PCDHGB5: variants seen among roughly 807,000 people sequenced by gnomAD.
The protein encoded by PCDHGB5 is protocadherin gamma-B5.
Under a neutral mutation model 62.9 loss-of-function variants are expected in PCDHGB5, and 48 were observed. The observed-to-expected ratio is 0.76, with a 90% CI of 0.61 to 0.97. PCDHGB5 has a LOEUF of 0.97. Among genes scored for constraint, PCDHGB5 ranks in the 50% least tolerant of loss-of-function variants. PCDHGB5 has a pLI of 0.00. For missense variants in PCDHGB5, 1,118 were observed against 1,198.6 expected (o/e 0.93, Z 0.99); for synonymous variants, 474 against 511.2 (o/e 0.93, Z 0.98).
intron 1 of PCDHGB5, chr5:141,416,320 A>G (rs1482631457): frequency 1.3e-5 from 2 of 152,208 alleles, no homozygotes; most frequent in East Asian, 1.9e-4. Flanking sequence ...TAGCATTTTA[A>G]TTTAACTTTC....
At chr5:141,400,860 A>G (rs77207205) in intron 1 of PCDHGB5, among the ~76,000 whole-genome samples, 6,447 of 152,342 alleles carry the variant, frequency 0.042, 220 homozygotes, top group African/African-American at 0.092. Flanking sequence ...TATTGTATGT[A>G]GATAAACCAT....
chr5:141,410,230 C>A (rs759582867), intron 1 of PCDHGB5: 2 of 1,614,006 alleles, frequency 1.2e-6, no homozygotes, highest in South Asian at 2.2e-5. Flanking sequence ...CAGACCTCAG[C>A]GACCGCCCTG....
chr5:141,403,006 G>T, intron 1 of PCDHGB5: 3 of 1,614,006 alleles, frequency 1.9e-6, no homozygotes, highest in African/African-American at 1.3e-5. Context: ...TGCTATGCTC[G>T]CTCCTGGGGA....
intron 2 of PCDHGB5, among the ~76,000 whole-genome samples, chr5:141,496,582 G>A (rs991035985): frequency 1.9e-4 from 29 of 152,100 alleles, no homozygotes; most frequent in Non-Finnish European, 3.5e-4. Flanking sequence ...TTTTAGGAAC[G>A]CAAAGCGCTT....
At position 141,400,199 on chromosome 5, in the gene PCDHGB5, C is replaced by G. The variant is rs1561675523; in HGVS notation, c.2072C>G (p.Ala691Gly). Reference sequence around the variant, plus strand: ...GAGCTGCAGTTTTACCTAGTGGTGGCCTTGGCCTTGATCTCAGTGCTCTTC... The same window carrying G: ...GAGCTGCAGTTTTACCTAGTGGTGGGCTTGGCCTTGATCTCAGTGCTCTTC... ...QAELQFYLVV[A>G]LALISVLFLL... Residue 691 changes from alanine to glycine, a missense_variant, in exon 1 of 4, where the codon GCC becomes GGC. By Grantham distance (60) the Ala-to-Gly change is moderately conservative. Around this residue, in one of 2 missense-constraint regions of PCDHGB5, gnomAD observed 1,034 missense variants for 1,029.1 expected, o/e 1.00. Coordinates refer to ENST00000617380, the MANE Select transcript of PCDHGB5 (RefSeq NM_018925.3). 2.5e-6 allele frequency: 4 copies of G among 1,614,048 alleles called. No individual in the cohort carries two copies. The highest frequency in any genetic ancestry group is 1.7e-5 in the Admixed American group (1 of 60,028).
intron 1 of PCDHGB5, among the ~76,000 whole-genome samples, chr5:141,438,002 A>G (rs200179547): frequency 1.3e-5 from 2 of 152,072 alleles, no homozygotes; most frequent in East Asian, 1.9e-4. Flanking sequence ...CAGCCTCCCA[A>G]ATAGCTGAGA....
chr5:141,399,997 A>G lies in PCDHGB5; in HGVS notation c.1870A>G (p.Thr624Ala). Reference protein sequence around the residue: ...SLGLRTGEVRTARALGDRDAA... With the variant: ...SLGLRTGEVRAARALGDRDAA... ...GGGGCTGCGCACAGGAGAGGTGCGC[A>G]CAGCGCGTGCCTTGGGCGACAGGGA... Residue 624 changes from threonine (T) to alanine (A), a missense_variant, in exon 1 of 4, where the codon ACA becomes GCA. Transcript: ENST00000617380. The G allele has an allele frequency of 6.2e-7, 1 of 1,612,344 alleles. No individual in the cohort carries two copies. The highest frequency in any genetic ancestry group is 8.5e-7 in the Non-Finnish European group (1 of 1,179,578).
Position 141,485,844 on chromosome 5 carries a change from G to A in PCDHGB5, c.2398-8963G>A, listed in dbSNP as rs201857404. On this transcript the variant is annotated intron_variant, in intron 1 of 3. Transcript: ENST00000617380. The surrounding 1 kb of genome is among the most constrained non-coding windows in gnomAD (Gnocchi z 5.7). ...GATGGAGGGAACCCGCCGAGATCTGGCACCGCAGAGCTCCGGGTATCCGTG... is the reference window on the plus strand; with the variant it reads ...GATGGAGGGAACCCGCCGAGATCTGACACCGCAGAGCTCCGGGTATCCGTG... 6 of 1,613,890 alleles carry A rather than the reference G, an allele frequency of 3.7e-6. No homozygotes were observed. In the East Asian group the frequency reaches 1.1e-4, roughly 30 times the overall value.
chr5:141,409,476 C>T (rs1195323775), intron 1 of PCDHGB5: 1 of 1,613,982 alleles, frequency 6.2e-7, no homozygotes, highest in South Asian at 1.1e-5. Context: ...ATCGTAGCCA[C>T]TGACAGGGGC....
chr5:141,485,260 G>C lies in PCDHGB5; in HGVS notation c.2398-9547G>C. ...TTTACCACCTGGGTTACGTTTGTGG[G>C]CAGATCCGCTACCCGGTCCCAGAGG... is the stretch of plus-strand genomic sequence containing the variant. On this transcript the variant is annotated intron_variant, in intron 1 of 3. Transcript: ENST00000617380. The surrounding 1 kb of genome is among the most constrained non-coding windows in gnomAD (Gnocchi z 5.7). 1 of 1,614,122 alleles carries C rather than the reference G, an allele frequency of 6.2e-7. No homozygotes were observed. The highest frequency in any genetic ancestry group is 8.5e-7 in the Non-Finnish European group (1 of 1,179,966).
intron 1 of PCDHGB5, among the ~76,000 whole-genome samples, chr5:141,436,677 G>T (rs966497986): frequency 2.2e-4 from 33 of 152,278 alleles, no homozygotes; most frequent in Non-Finnish European, 2.9e-5. Flanking sequence ...CCAAAAAAAG[G>T]ATTTATATTT....
intron 1 of PCDHGB5, chr5:141,410,146 C>T (rs2095361527): frequency 2.5e-6 from 4 of 1,612,390 alleles, no homozygotes; most frequent in Non-Finnish European, 2.5e-6. Context: ...CTGTGCGTGA[C>T]GGTGGACAGC....
chr5:141,492,546 G>A (rs2154587552), intron 1 of PCDHGB5, among the ~76,000 whole-genome samples: 1 of 152,336 alleles, frequency 6.6e-6, no homozygotes, highest in East Asian at 1.9e-4. Flanking sequence ...GCTGGGCCGG[G>A]TCGCCTGGGG....
At chr5:141,482,840 G>A (rs1343123459) in intron 1 of PCDHGB5, among the ~76,000 whole-genome samples, 2 of 152,212 alleles carry the variant, frequency 1.3e-5, no homozygotes, top group Admixed American at 6.5e-5. Context: ...GGGAGGCCAA[G>A]GTGGGCAGAT....
At position 141,464,471 on chromosome 5, in the gene PCDHGB5, G is replaced by A. The variant is rs142068327; in HGVS notation, c.2398-30336G>A. On this transcript the variant is annotated intron_variant, in intron 1 of 3. Coordinates refer to ENST00000617380, the MANE Select transcript of PCDHGB5 (RefSeq NM_018925.3). ...TTGTTGTTATTTTTGAAGTATGTAC[G>A]TATAATAAATTCCTAATAGTGTGAT... Among the ~76,000 whole-genome samples, 204 of 151,612 alleles carry A rather than the reference G, an allele frequency of 1.3e-3. 1 individual carries two copies. The highest frequency in any genetic ancestry group is 2.3e-3 in the Non-Finnish European group (156 of 67,928).
chr5:141,398,384 T>A lies in PCDHGB5; in HGVS notation c.257T>A (p.Val86Glu), dbSNP rs1413881140. 6.9e-7 allele frequency: 1 copy of A among 1,454,330 alleles called. No individual in the cohort carries two copies. The highest frequency in any genetic ancestry group is 2.3e-5 in the East Asian group (1 of 43,084). 90.1% of individuals were successfully genotyped at this position (1,454,330 alleles called of 1,614,324 possible). A position where few individuals can be genotyped will look rare whatever the true frequency, so the allele number is the denominator to read the frequency against. The change falls in exon 1 of 4, where the codon GTG becomes GAG. Residue 86 changes from valine (V) to glutamate (E), a missense_variant. By Grantham distance (121) the Val-to-Glu change is moderately radical (BLOSUM62 -2). This residue lies in a region of PCDHGB5 where 84 missense variants were observed against 169.5 expected (regional missense o/e 0.50). Coordinates refer to ENST00000617380, the MANE Select transcript of PCDHGB5 (RefSeq NM_018925.3). ...AGCGCAGAGAGCGGGGAGTTGCTTG[T>A]GAGCAGCAGGCTAGACAGGGAGGAG... ...TVSAESGELL[V>E]SSRLDREEIC...
intron 2 of PCDHGB5, among the ~76,000 whole-genome samples, chr5:141,499,937 C>T (rs1257575594): frequency 6.6e-6 from 1 of 152,082 alleles, no homozygotes; most frequent in Non-Finnish European, 1.5e-5. Context: ...ATCCACCCTC[C>T]TCGGCCTCCC....
intron 1 of PCDHGB5, among the ~76,000 whole-genome samples, chr5:141,436,522 C>T (rs933890051): frequency 3.9e-5 from 6 of 152,088 alleles, no homozygotes; most frequent in African/African-American, 1.4e-4. Context: ...ACTGTGTCAC[C>T]TTTAGCAAGT....
chr5:141,398,566 C>T lies in PCDHGB5; in HGVS notation c.439C>T (p.Gln147Ter). 6.2e-7 allele frequency: 1 copy of T among 1,613,980 alleles called. No homozygotes were observed. The highest frequency in any genetic ancestry group is 8.5e-7 in the Non-Finnish European group (1 of 1,179,888). Residue 147 changes from glutamine (Q) to a stop codon, truncating the protein, a stop_gained, in exon 1 of 4, where the codon CAG (glutamine) becomes TAG (stop). Coordinates refer to ENST00000617380, the MANE Select transcript of PCDHGB5 (RefSeq NM_018925.3). LOFTEE classifies it high-confidence loss of function. ...TGAGCTGCAAATAAGTGAGTCTGCA[C>T]AGCCTGGCACAAGATTTATACTAGA... ...SFELQISESA[Q>*]PGTRFILEVA... is the part of the protein sequence containing the mutation.
Sources: allele counts gnomAD v4.1 joint callset (sites outside exome capture counted in the v4.1 genomes callset), GRCh38; gene constraint gnomAD v4.1.1; regional missense constraint gnomAD v4.1.1; non-coding constraint Gnocchi (gnomAD v3.1); transcripts MANE v1.5; gene names NCBI Gene and HGNC (gene_info 2026-07-23, HGNC 2026-07-21).